SCGB2B2: variants seen among roughly 807,000 people sequenced by gnomAD.
The protein encoded by SCGB2B2 is secretoglobin family 2B member 2, also known as secretoglobin-like protein.
SCGB2B2 carries 11 observed loss-of-function variants against 7.6 expected under a neutral mutation model. The ratio of observed to expected loss-of-function variants is 1.45; its 90% CI spans 0.91 to 2.40. SCGB2B2 has a LOEUF of 2.40. SCGB2B2 is among the 30% of genes most tolerant of loss of function. The pLI, the probability that SCGB2B2 is intolerant of heterozygous loss-of-function variation, is 0.00. For synonymous variants in SCGB2B2, 50 were observed against 48.6 expected, an observed-to-expected ratio of 1.03 and a Z score of -0.12; for missense variants, 104 against 115.4, an observed-to-expected ratio of 0.90 and a Z score of 0.45.
chr19:34,633,168 C>T (rs1304641935), intron 1 of SCGB2B2, among the ~76,000 whole-genome samples: 2 of 152,192 alleles, frequency 1.3e-5, no homozygotes, highest in Non-Finnish European at 2.9e-5. Context: ...GATGCCTTTC[C>T]TTCTCTTGGA....
intron 1 of SCGB2B2, among the ~76,000 whole-genome samples, chr19:34,632,267 C>T (rs1020934772): frequency 2.0e-5 from 3 of 152,146 alleles, no homozygotes; most frequent in African/African-American, 7.2e-5. Context: ...ACACATTCAA[C>T]TTTGTCAACA....
rs1400512237 is a variant in SCGB2B2 at position 34,591,659 on chromosome 19, T to C, written c.*1896A>G. 6.6e-6 allele frequency among the ~76,000 whole-genome samples: 1 copy of C among 152,198 alleles called. No homozygotes were observed. The highest frequency in any genetic ancestry group is 1.5e-5 in the Non-Finnish European group (1 of 68,042). ...GACCTCCTTCCCTGCTGCCCCTTGT[T>C]CCAGCTGCACTGGCCATTTCTCCAA... On this transcript the variant is annotated 3_prime_UTR_variant, in exon 4 of 4. Transcript: ENST00000601241.
chr19:34,625,687 C>G (rs2066353888), intron 1 of SCGB2B2, among the ~76,000 whole-genome samples: 1 of 152,328 alleles, frequency 6.6e-6, no homozygotes, highest in African/African-American at 2.4e-5. Flanking sequence ...GACTCCACCT[C>G]TAGGGGCAGG....
intron 1 of SCGB2B2, among the ~76,000 whole-genome samples, chr19:34,603,182 C>T (rs1328305095): frequency 6.6e-6 from 1 of 152,072 alleles, no homozygotes; most frequent in Non-Finnish European, 1.5e-5. Flanking sequence ...TATGAAAGGA[C>T]AAAGAAAAAG....
At chr19:34,631,555 CAT>C (rs1166248634) in intron 1 of SCGB2B2, among the ~76,000 whole-genome samples, 2 of 148,102 alleles carry the variant, frequency 1.4e-5, no homozygotes, top group African/African-American at 2.5e-5. Context: ...ATACTTGAGA[CAT>C]ATAAGATTTG....
At chr19:34,666,742 G>A (rs556500075) in intron 1 of SCGB2B2, among the ~76,000 whole-genome samples, 3 of 152,198 alleles carry the variant, frequency 2.0e-5, no homozygotes, top group South Asian at 2.1e-4. Flanking sequence ...ACTGCATGGC[G>A]CCCACCTGAG....
chr19:34,588,899 G>A (rs2065240324), downstream of SCGB2B2, among the ~76,000 whole-genome samples: 2 of 151,780 alleles, frequency 1.3e-5, no homozygotes, highest in Admixed American at 1.3e-4. Context: ...CCCTGGCAGA[G>A]GTCAGAGACA....
In SCGB2B2 at chr19:34,594,742, C is replaced by T; in HGVS notation, c.-179G>A. 1 of 644,282 alleles carries T rather than the reference C, an allele frequency of 1.6e-6. No individual in the cohort carries two copies. 39.9% of individuals were successfully genotyped at this position (644,282 alleles called of 1,614,324 possible). On this transcript the variant is annotated 5_prime_UTR_variant, in exon 2 of 4. Coordinates refer to ENST00000601241, the MANE Select transcript of SCGB2B2 (RefSeq NM_001025591.4). ...CAGGTCTGCAGAGAGACCCTCGGCC[C>T]TGGGCCATGCTGTTGGGGTGGCAGC... is the stretch of plus-strand genomic sequence containing the variant.
At chr19:34,640,627 A>C (rs1263265712) in intron 1 of SCGB2B2, 1 of 152,238 alleles carries the variant, frequency 6.6e-6, no homozygotes, top group Non-Finnish European at 1.5e-5. Context: ...GCATGAAGTT[A>C]ATCATTTTAA....
At chr19:34,662,516 C>T (rs2146145424) in intron 1 of SCGB2B2, among the ~76,000 whole-genome samples, 1 of 151,936 alleles carries the variant, frequency 6.6e-6, no homozygotes, top group African/African-American at 2.4e-5. Context: ...CACACACACA[C>T]ACACACACAC....
chr19:34,639,255 C>G (rs1409073873), intron 1 of SCGB2B2, among the ~76,000 whole-genome samples: 2 of 152,122 alleles, frequency 1.3e-5, no homozygotes, highest in Non-Finnish European at 2.9e-5. Context: ...CCAATGCCTC[C>G]CTGTGTTCCC....
intron 1 of SCGB2B2, among the ~76,000 whole-genome samples, chr19:34,651,915 T>G (rs2067170541): frequency 6.6e-6 from 1 of 151,310 alleles, no homozygotes; most frequent in African/African-American, 2.5e-5. Flanking sequence ...AGCATGGTAC[T>G]TGCATAAAAA....
rs1182315020 is a variant in SCGB2B2 at position 34,594,052 on chromosome 19, C to T, written c.246+123G>A. 4.4e-5 allele frequency: 34 copies of T among 780,986 alleles called. No individual in the cohort carries two copies. In the Admixed American group the frequency reaches 4.7e-4, roughly 11 times the overall value. 48.4% of individuals were successfully genotyped at this position (780,986 alleles called of 1,614,324 possible). A position where few individuals can be genotyped will look rare whatever the true frequency, so the allele number is the denominator to read the frequency against. ...AGGTGGGGAACTTCATCTGATTTTGCGCATCCTGGGATGTGGCTTCCTGCT... is the reference window on the plus strand; with the variant it reads ...AGGTGGGGAACTTCATCTGATTTTGTGCATCCTGGGATGTGGCTTCCTGCT... On this transcript the variant is annotated intron_variant, in intron 3 of 3. Coordinates refer to ENST00000601241, the MANE Select transcript of SCGB2B2 (RefSeq NM_001025591.4).
intron 1 of SCGB2B2, among the ~76,000 whole-genome samples, chr19:34,634,241 G>C (rs940716496): frequency 2.0e-5 from 3 of 152,180 alleles, no homozygotes; most frequent in African/African-American, 7.2e-5. Flanking sequence ...TGCAGTATGT[G>C]AATGTAATTA....
At chr19:34,588,782 G>A (rs2065236741), downstream of SCGB2B2, among the ~76,000 whole-genome samples, 1 of 152,312 alleles carries the variant, frequency 6.6e-6, no homozygotes, top group South Asian at 2.1e-4. Context: ...ACACTCCTCA[G>A]GGCACATATG....
intron 1 of SCGB2B2, among the ~76,000 whole-genome samples, chr19:34,610,423 C>G (rs1313991351): frequency 6.6e-6 from 1 of 152,076 alleles, no homozygotes; most frequent in African/African-American, 2.4e-5. Flanking sequence ...TTTCTTTATT[C>G]AGTATGATTT....
chr19:34,590,618 T>G (rs548270488), downstream of SCGB2B2, among the ~76,000 whole-genome samples: 1 of 152,336 alleles, frequency 6.6e-6, no homozygotes, highest in East Asian at 1.9e-4. Flanking sequence ...AGGTTAATAT[T>G]ACTAAGTTAT....
rs10408864 is a variant in SCGB2B2, at chr19:34,615,655, G to C, written c.-2031-19061C>G. ...ATTTTATTTTCTTGTAGTGTCTTTT[G>C]TGTGGATTTGGTATCAATCATGGTA... is the stretch of plus-strand genomic sequence containing the variant. On this transcript the variant is annotated intron_variant, in intron 1 of 3. Transcript: ENST00000601241. 1.5e-3 allele frequency among the ~76,000 whole-genome samples: 230 copies of C among 152,134 alleles called. 1 individual carries two copies. The highest frequency in any genetic ancestry group is 5.1e-3 in the African/African-American group (211 of 41,494).
chr19:34,622,806 T>C (rs1024357813), intron 1 of SCGB2B2, among the ~76,000 whole-genome samples: 1 of 152,174 alleles, frequency 6.6e-6, no homozygotes, highest in African/African-American at 2.4e-5. Context: ...GCCTGAGTAA[T>C]AAACTTGTCC....
Sources: gnomAD v4.1 joint callset for allele counts (sites outside exome capture counted in the v4.1 genomes callset) on GRCh38, gnomAD v4.1.1 for gene constraint, MANE v1.5 for transcripts, NCBI Gene and HGNC (gene_info 2026-07-23, HGNC 2026-07-21) for gene names.